The following NAV3 variants were observed in gnomAD, a reference collection of about 807,000 sequenced individuals.
NAV3 encodes pore membrane and/or filament interacting like protein 1.
A neutral mutation model predicts 244.7 loss-of-function variants in NAV3; 87 were observed. The ratio of observed to expected loss-of-function variants is 0.36; its 90% CI spans 0.30 to 0.42. The LOEUF is 0.42. Ranked by LOEUF, NAV3 falls within the 20% of genes least tolerant of loss-of-function variation. NAV3 has a pLI of 1.00. For synonymous variants in NAV3, 1,126 were observed against 1,042.2 expected (o/e 1.08, Z -1.55); for missense variants, 2,663 against 2,893.3 (o/e 0.92, Z 1.83).
At chr12:78,129,173 A>G (rs1309166186) in intron 18 of NAV3, among the ~76,000 whole-genome samples, 2 of 152,232 alleles carry the variant, frequency 1.3e-5, no homozygotes, top group African/African-American at 4.8e-5. Context: ...GGTTCAAGGC[A>G]GTAACCAGTT....
At chr12:77,599,552 T>C (rs1463610364) in intron 2 of NAV3, among the ~76,000 whole-genome samples, 2 of 151,828 alleles carry the variant, frequency 1.3e-5, no homozygotes, top group Non-Finnish European at 1.5e-5. Context: ...TGGTTTAAGA[T>C]AAAACAAAAT....
chr12:78,067,299 GGAAA>G (rs1885131315), intron 12 of NAV3, among the ~76,000 whole-genome samples: 1 of 152,034 alleles, frequency 6.6e-6, no homozygotes, highest in Non-Finnish European at 1.5e-5. Context: ...AGGCTGAGAT[GGAAA>G]GAGACAAAGT....
At chr12:77,601,779 A>G (rs905322603) in intron 2 of NAV3, among the ~76,000 whole-genome samples, 43 of 152,112 alleles carry the variant, frequency 2.8e-4, no homozygotes, top group African/African-American at 1.0e-3. Flanking sequence ...CTTATGAGAC[A>G]TAGAAAATTC....
intron 1 of NAV3, among the ~76,000 whole-genome samples, chr12:77,903,159 G>A (rs1885521006): frequency 6.6e-6 from 1 of 152,046 alleles, no homozygotes; most frequent in Non-Finnish European, 1.5e-5. Flanking sequence ...AGTTCATATG[G>A]AACCAAAACA....
Position 78,188,352 on chromosome 12 carries a change from T to C in NAV3, c.5886+9T>C, listed in dbSNP as rs779187115. ...TAAGACGTCTCTTTAAGGTATGTTGTGCAAGACACCCTAATAGTACTTTTC... is the reference window on the plus strand; with the variant it reads ...TAAGACGTCTCTTTAAGGTATGTTGCGCAAGACACCCTAATAGTACTTTTC... On this transcript the variant is annotated intron_variant, in intron 32 of 39. Transcript: ENST00000397909. 6.3e-7 allele frequency: 1 copy of C among 1,595,210 alleles called. No homozygotes were observed. Among genetic ancestry groups the C allele is most frequent in the Non-Finnish European group, 8.6e-7 (1 of 1,165,294 alleles).
chr12:78,018,961 T>C (rs2136767653), intron 8 of NAV3, among the ~76,000 whole-genome samples: 1 of 152,178 alleles, frequency 6.6e-6, no homozygotes, highest in African/African-American at 2.4e-5. Flanking sequence ...GGAGGGACTG[T>C]CAGTAGATGG....
chr12:78,133,325 T>A (rs2138945527), intron 18 of NAV3, among the ~76,000 whole-genome samples: 1 of 152,054 alleles, frequency 6.6e-6, no homozygotes, highest in South Asian at 2.1e-4. Context: ...CCTGAACCTC[T>A]GTTCATTGGG....
intron 8 of NAV3, among the ~76,000 whole-genome samples, chr12:78,015,838 G>A (rs1876105953): frequency 6.6e-6 from 1 of 152,024 alleles, no homozygotes; most frequent in South Asian, 2.1e-4. Context: ...ATTCCATCCT[G>A]TCTTCTGCAT....
intron 2 of NAV3, among the ~76,000 whole-genome samples, chr12:77,754,280 G>A (rs1869013944): frequency 6.6e-6 from 1 of 152,058 alleles, no homozygotes; most frequent in South Asian, 2.1e-4. Context: ...GTCACATGGA[G>A]CCAGTGTTGA....
intron 2 of NAV3, among the ~76,000 whole-genome samples, chr12:77,747,218 G>A (rs573191043): frequency 1.1e-3 from 163 of 152,166 alleles, no homozygotes; most frequent in African/African-American, 3.7e-3. Flanking sequence ...ATGTCTTTTG[G>A]CTGCATAAAT....
chr12:77,881,300 CT>C (rs369275094), intron 1 of NAV3, among the ~76,000 whole-genome samples: 2 of 152,072 alleles, frequency 1.3e-5, no homozygotes, highest in African/African-American at 4.8e-5. Context: ...TAATACTTGG[CT>C]TTCTGTATTT....
intron 23 of NAV3, among the ~76,000 whole-genome samples, chr12:78,164,155 T>G (rs2139479671): frequency 6.6e-6 from 1 of 152,230 alleles, no homozygotes; most frequent in Admixed American, 6.6e-5. Context: ...CAGCTAAATA[T>G]TTCAGAATTT....
chr12:77,627,749 T>C (rs772053), intron 2 of NAV3, among the ~76,000 whole-genome samples: 7,593 of 152,278 alleles, frequency 0.05, 239 homozygotes, highest in Non-Finnish European at 0.065. Context: ...GCAGCACTAT[T>C]AACAATAGCC....
At chr12:77,873,609 A>T (rs188872734) in intron 1 of NAV3, among the ~76,000 whole-genome samples, 1,524 of 143,356 alleles carry the variant, frequency 0.011, 19 homozygotes, top group Non-Finnish European at 0.017. Context: ...TTCCTAGATG[A>T]TTTGCTTGTC....
intron 2 of NAV3, among the ~76,000 whole-genome samples, chr12:77,653,154 T>C (rs1469120938): frequency 6.6e-6 from 1 of 152,200 alleles, no homozygotes; most frequent in Non-Finnish European, 1.5e-5. Context: ...GATTCTATGA[T>C]GAATCTTGAG....
intron 2 of NAV3, among the ~76,000 whole-genome samples, chr12:77,774,436 G>C (rs912208586): frequency 1.3e-5 from 2 of 152,088 alleles, no homozygotes; most frequent in Admixed American, 1.3e-4. Context: ...ACTTCTCGGA[G>C]GACATTATTT....
chr12:78,192,526 C>G (rs1025702494), intron 34 of NAV3, among the ~76,000 whole-genome samples: 2 of 151,872 alleles, frequency 1.3e-5, no homozygotes, highest in African/African-American at 4.8e-5. Flanking sequence ...CTGCCTCAGC[C>G]TCCTGAGTAG....
At chr12:77,733,684 G>A (rs921544601) in intron 2 of NAV3, among the ~76,000 whole-genome samples, 9 of 151,934 alleles carry the variant, frequency 5.9e-5, no homozygotes, top group African/African-American at 2.2e-4. Flanking sequence ...GAAGACTGAA[G>A]AGGGGCCAGA....
chr12:78,179,583 G>A lies in NAV3; in HGVS notation c.5418G>A (p.Glu1806=). The change falls in exon 29 of 40, where the codon GAG becomes GAA. Residue 1806 remains glutamate (E), a synonymous_variant. Coordinates refer to ENST00000397909, the MANE Select transcript of NAV3 (RefSeq NM_001024383.2). ...EAEIILQLKS[E]LREKELKLTD... is the part of the protein sequence containing the mutation. Reference sequence around the variant, plus strand: ...AGATAATTCTGCAGCTGAAGAGCGAGCTCAGAGAAAAGGAATTAAAATTAA... The same window carrying A: ...AGATAATTCTGCAGCTGAAGAGCGAACTCAGAGAAAAGGAATTAAAATTAA... 6.2e-7 allele frequency: 1 copy of A among 1,613,352 alleles called. No individual in the cohort carries two copies. The highest frequency in any genetic ancestry group is 8.5e-7 in the Non-Finnish European group (1 of 1,179,534).
Sources: gnomAD v4.1 joint callset for allele counts (sites outside exome capture counted in the v4.1 genomes callset) on GRCh38, gnomAD v4.1.1 for gene constraint, MANE v1.5 for transcripts, NCBI Gene and HGNC (gene_info 2026-07-23, HGNC 2026-07-21) for gene names.